Variants in FA2H observed in about 807,000 individuals in gnomAD.
FA2H encodes fatty acid 2-hydroxylase.
FA2H carries 22 observed loss-of-function variants against 44.9 expected under a neutral mutation model. The observed-to-expected ratio is 0.49, with a 90% CI of 0.35 to 0.70. FA2H has a LOEUF of 0.70. Among genes scored for constraint, FA2H ranks in the 30% least tolerant of loss-of-function variants. The pLI is 0.01. For missense variants in FA2H, 501 were observed against 504.9 expected (o/e 0.99, Z 0.07); for synonymous variants, 243 against 213.2 (o/e 1.14, Z -1.22).
At chr16:74,715,832 T>TTTA (rs1247055291) in intron 6 of FA2H, among the ~76,000 whole-genome samples, 240 of 148,442 alleles carry the variant, frequency 1.6e-3, no homozygotes, top group African/African-American at 5.8e-3. Flanking sequence ...TTTTTTTTTT[T>TTTA]ATAGACAGAG....
intron 5 of FA2H, among the ~76,000 whole-genome samples, chr16:74,717,453 A>AAGGG (rs1459797881): frequency 6.6e-6 from 1 of 152,182 alleles, no homozygotes; most frequent in Non-Finnish European, 1.5e-5. Flanking sequence ...GGGGGAAATA[A>AAGGG]AGGGAGGGAG....
intron 1 of FA2H, among the ~76,000 whole-genome samples, chr16:74,763,253 T>C (rs182063913): frequency 2.6e-5 from 4 of 152,284 alleles, no homozygotes; most frequent in Admixed American, 1.3e-4. Flanking sequence ...TATTAACGTT[T>C]GGAATTTTTT....
At chr16:74,728,524 T>C (rs896894998) in intron 2 of FA2H, among the ~76,000 whole-genome samples, 2 of 152,112 alleles carry the variant, frequency 1.3e-5, no homozygotes, top group East Asian at 1.9e-4. Context: ...TTGAATATGG[T>C]TGTGGCCTTT....
chr16:74,717,741 G>C (rs1961739076), intron 5 of FA2H, among the ~76,000 whole-genome samples: 1 of 152,248 alleles, frequency 6.6e-6, no homozygotes. Flanking sequence ...GGACTGGACA[G>C]ACTGGGGTGG....
chr16:74,763,365 C>G (rs2097936705), intron 1 of FA2H, among the ~76,000 whole-genome samples: 1 of 152,084 alleles, frequency 6.6e-6, no homozygotes, highest in Non-Finnish European at 1.5e-5. Flanking sequence ...TCAAGCAATT[C>G]TCGTATCTCA....
At chr16:74,729,772 C>G (rs137916253) in intron 2 of FA2H, among the ~76,000 whole-genome samples, 1 of 151,992 alleles carries the variant, frequency 6.6e-6, no homozygotes, top group Admixed American at 6.6e-5. Context: ...CTTTTCCTCC[C>G]GGAGCCCCTC....
intron 6 of FA2H, among the ~76,000 whole-genome samples, chr16:74,714,825 G>C (rs115157167): frequency 0.014 from 2,133 of 149,966 alleles, 50 homozygotes; most frequent in African/African-American, 0.051. Context: ...GCTTGATTGA[G>C]TTACTGGAAT....
At chr16:74,727,001 C>T (rs1961973037) in intron 3 of FA2H, among the ~76,000 whole-genome samples, 1 of 152,210 alleles carries the variant, frequency 6.6e-6, no homozygotes, top group African/African-American at 2.4e-5. Flanking sequence ...TCATAAGAGT[C>T]TGGAATAGAC....
At chr16:74,751,305 A>G (rs1962522422) in intron 1 of FA2H, among the ~76,000 whole-genome samples, 1 of 152,148 alleles carries the variant, frequency 6.6e-6, no homozygotes, top group African/African-American at 2.4e-5. Context: ...TATGTTGCCC[A>G]GGCTGGTCTT....
rs201250822 is a variant in FA2H, at chr16:74,727,327, G to A, written c.423C>T (p.Tyr141=). ...TCACCGGCTGGTGAACCCACTCATC[G>A]TACTTCTCTCCCAAGTGGCCCACCT... The part of the protein sequence containing the change: ...LWQVGHLGEK[Y]DEWVHQPVTR... The change falls in exon 3 of 7, where the codon TAC becomes TAT. Residue 141 remains tyrosine (Y), a synonymous_variant. Transcript: ENST00000219368. 46 of 1,614,070 alleles carry A rather than the reference G, an allele frequency of 2.8e-5. No homozygotes were observed. In the East Asian group the frequency reaches 4.0e-4, roughly 14 times the overall value.
At chr16:74,772,241 G>A (rs1179462584) in intron 1 of FA2H, among the ~76,000 whole-genome samples, 2 of 152,132 alleles carry the variant, frequency 1.3e-5, no homozygotes, top group Admixed American at 6.5e-5. Flanking sequence ...GCCTTCACAC[G>A]TGCTGTTCCC....
chr16:74,768,029 A>C (rs1271514506), intron 1 of FA2H, among the ~76,000 whole-genome samples: 1 of 152,176 alleles, frequency 6.6e-6, no homozygotes, highest in Non-Finnish European at 1.5e-5. Flanking sequence ...TGGGTTTCAG[A>C]GCGCATGGGA....
rs571436433 is a variant in FA2H at position 74,742,522 on chromosome 16, G to A, written c.271-2407C>T. Among the ~76,000 whole-genome samples, 4 of 152,284 alleles carry A rather than the reference G, an allele frequency of 2.6e-5. No homozygotes were observed. The South Asian group carries it at 8.3e-4, about 32-fold the overall frequency. ...ATAAGACTGGTATGAGATTGCCAGC[G>A]TTTTATTTTGCCAAATAAAAATATT... On this transcript the variant is annotated intron_variant, in intron 1 of 6. Coordinates refer to ENST00000219368, the MANE Select transcript of FA2H (RefSeq NM_024306.5).
chr16:74,741,560 A>G (rs1368500731), intron 1 of FA2H, among the ~76,000 whole-genome samples: 1 of 151,898 alleles, frequency 6.6e-6, no homozygotes, highest in East Asian at 1.9e-4. Context: ...TTCTGGGCCT[A>G]GGCCATCCTC....
At chr16:74,753,661 A>G (rs1294622594) in intron 1 of FA2H, among the ~76,000 whole-genome samples, 1 of 152,128 alleles carries the variant, frequency 6.6e-6, no homozygotes, top group Non-Finnish European at 1.5e-5. Flanking sequence ...TGACAGAGCG[A>G]GACTCCAGCT....
chr16:74,749,778 T>C (rs1962498021), intron 1 of FA2H, among the ~76,000 whole-genome samples: 1 of 152,198 alleles, frequency 6.6e-6, no homozygotes, highest in South Asian at 2.1e-4. Flanking sequence ...CACTGACTGT[T>C]GGCAGCCACC....
At chr16:74,738,230 A>C (rs1962219390) in intron 2 of FA2H, among the ~76,000 whole-genome samples, 1 of 152,032 alleles carries the variant, frequency 6.6e-6, no homozygotes, top group Non-Finnish European at 1.5e-5. Flanking sequence ...AGAATGAGAG[A>C]GAGGTGGGGA....
At chr16:74,724,031 A>G (rs1961896613) in intron 4 of FA2H, among the ~76,000 whole-genome samples, 1 of 152,008 alleles carries the variant, frequency 6.6e-6, no homozygotes, top group Admixed American at 6.6e-5. Context: ...CCTTCCAAGT[A>G]GCTGAGATTA....
Position 74,754,331 on chromosome 16 carries a change from G to C in FA2H, c.271-14216C>G, listed in dbSNP as rs1051506202. ...GAACTACTTGAGCCTGGGAGGTGGA[G>C]GTTGCAGTGAGCCAAGATTGGGCCA... is the stretch of plus-strand genomic sequence containing the variant. On this transcript the variant is annotated intron_variant, in intron 1 of 6. Transcript: ENST00000219368. Among the ~76,000 whole-genome samples, 5 of 152,126 alleles carry C rather than the reference G, an allele frequency of 3.3e-5. No homozygotes were observed. The South Asian group carries it at 1.0e-3, about 32-fold the overall frequency.
Sources: gnomAD v4.1 joint callset for allele counts (sites outside exome capture counted in the v4.1 genomes callset) on GRCh38, gnomAD v4.1.1 for gene constraint, MANE v1.5 for transcripts, NCBI Gene and HGNC (gene_info 2026-07-23, HGNC 2026-07-21) for gene names.